Variants in B3GALT1 observed in about 807,000 individuals in gnomAD.
B3GALT1 encodes the protein UDP-Gal:betaGlcNAc beta 1,3-galactosyltransferase, polypeptide 1.
A neutral mutation model predicts 23.2 loss-of-function variants in B3GALT1; 10 were observed. The ratio of observed to expected loss-of-function variants is 0.43; its 90% CI spans 0.27 to 0.73. The LOEUF (loss-of-function observed/expected upper bound fraction) is 0.73. B3GALT1 is among the 30% of genes least tolerant of loss of function. B3GALT1 has a pLI of 0.21. For missense variants in B3GALT1, 299 were observed against 405.4 expected (o/e 0.74, Z 2.25); for synonymous variants, 156 against 141.5 (o/e 1.10, Z -0.73).
At chr2:167,339,401 G>C (rs905376319) in intron 1 of B3GALT1, among the ~76,000 whole-genome samples, 1 of 151,288 alleles carries the variant, frequency 6.6e-6, no homozygotes, top group Non-Finnish European at 1.5e-5. Flanking sequence ...TGGAGAGTGT[G>C]GGGGTGAGTG....
rs373302652 is a variant in B3GALT1 at position 167,634,334 on chromosome 2, A to G, written c.-409-12575A>G. 9.2e-5 allele frequency among the ~76,000 whole-genome samples: 14 copies of G among 152,278 alleles called. No individual in the cohort carries two copies. In the East Asian group the frequency reaches 2.1e-3, roughly 23 times the overall value. On this transcript the variant is annotated intron_variant, in intron 2 of 4. Transcript: ENST00000392690. ...CACATTCAAAAGCTAGCAGAAGGCA[A>G]GAAATAACTAAGATCAGACCAGAAC...
At chr2:167,368,607 G>A (rs746671226) in intron 1 of B3GALT1, among the ~76,000 whole-genome samples, 31 of 152,274 alleles carry the variant, frequency 2.0e-4, no homozygotes, top group South Asian at 4.1e-4. Flanking sequence ...GTAGTTTTGC[G>A]TAGGTCTGGT....
At chr2:167,651,465 T>C (rs1685865820) in intron 3 of B3GALT1, among the ~76,000 whole-genome samples, 1 of 152,164 alleles carries the variant, frequency 6.6e-6, no homozygotes, top group Non-Finnish European at 1.5e-5. Flanking sequence ...AGTCACTAAA[T>C]TATCTTTTAA....
rs911661828 is a variant in B3GALT1 at position 167,490,661 on chromosome 2, G to A, written c.-410+384G>A. ...ACAAGCAGAGATGACTGGCACTGCT[G>A]AGCAGCTCCAGGGCTGAAGCCTTGG... On this transcript the variant is annotated intron_variant, in intron 2 of 4. Transcript: ENST00000392690. Among the ~76,000 whole-genome samples, 45 of 152,304 alleles carry A rather than the reference G, an allele frequency of 3.0e-4. 2 individuals carry two copies. Among genetic ancestry groups the A allele is most frequent in the Admixed American group, 1.8e-3 (27 of 15,314 alleles).
chr2:167,296,532 G>A (rs549970216), intron 1 of B3GALT1, among the ~76,000 whole-genome samples: 3 of 152,122 alleles, frequency 2.0e-5, no homozygotes, highest in East Asian at 3.9e-4. Flanking sequence ...ATACTAGAAA[G>A]GTTCTCAGAA....
At chr2:167,311,531 A>C (rs1523878) in intron 1 of B3GALT1, among the ~76,000 whole-genome samples, 123,433 of 151,852 alleles carry the variant, frequency 0.81, 51,203 homozygotes, top group Non-Finnish European at 0.91. Context: ...TAGATGCACC[A>C]GGACTTAAAA....
At chr2:167,500,119 T>C (rs1699831451) in intron 2 of B3GALT1, among the ~76,000 whole-genome samples, 1 of 152,120 alleles carries the variant, frequency 6.6e-6, no homozygotes, top group Non-Finnish European at 1.5e-5. Context: ...AATGTCACAA[T>C]AGCCTCACAG....
intron 1 of B3GALT1, among the ~76,000 whole-genome samples, chr2:167,485,228 C>T (rs1300852349): frequency 1.3e-5 from 2 of 151,986 alleles, no homozygotes; most frequent in Admixed American, 6.5e-5. Context: ...AAATATAATG[C>T]TATTAATGTG....
chr2:167,322,976 C>G (rs1479687683), intron 1 of B3GALT1, among the ~76,000 whole-genome samples: 1 of 152,012 alleles, frequency 6.6e-6, no homozygotes, highest in Non-Finnish European at 1.5e-5. Context: ...TAGAATTTAT[C>G]ACTTTTGGCA....
At chr2:167,744,263 T>C (rs1389479168) in intron 3 of B3GALT1, among the ~76,000 whole-genome samples, 2 of 152,200 alleles carry the variant, frequency 1.3e-5, no homozygotes, top group South Asian at 2.1e-4. Context: ...CTTTCATATA[T>C]TCATCATTTT....
chr2:167,323,442 A>AAATAAATG (rs1696842894), intron 1 of B3GALT1, among the ~76,000 whole-genome samples: 1 of 151,866 alleles, frequency 6.6e-6, no homozygotes, highest in Admixed American at 6.6e-5. Context: ...ATTATTAAAT[A>AAATAAATG]AATGAATGAT....
At chr2:167,558,627 C>T (rs566800843) in intron 2 of B3GALT1, among the ~76,000 whole-genome samples, 83 of 152,312 alleles carry the variant, frequency 5.4e-4, no homozygotes, top group African/African-American at 2.0e-3. Flanking sequence ...TTCCGACGGG[C>T]TTAGGAAATG....
chr2:167,393,923 A>G (rs1036825288), intron 1 of B3GALT1, among the ~76,000 whole-genome samples: 1 of 152,194 alleles, frequency 6.6e-6, no homozygotes, highest in African/African-American at 2.4e-5. Flanking sequence ...ATAACAATTT[A>G]ATTTTTACAA....
rs1435290136 is a variant in B3GALT1 at position 167,692,923 on chromosome 2, A to G, written c.-352+45957A>G. Among the ~76,000 whole-genome samples the G allele has an allele frequency of 2.0e-5, 3 of 152,188 alleles. No homozygotes were observed. The Middle Eastern group carries it at 0.01, about 518-fold the overall frequency. Reference sequence around the variant, plus strand: ...TGGGCTCTTCTTTCAAGTTCCCCAGATATGCAATTCAGGCCAATTTCCAAC... The same window carrying G: ...TGGGCTCTTCTTTCAAGTTCCCCAGGTATGCAATTCAGGCCAATTTCCAAC... On this transcript the variant is annotated intron_variant, in intron 3 of 4. Coordinates refer to ENST00000392690, the MANE Select transcript of B3GALT1 (RefSeq NM_020981.4).
chr2:167,685,995 G>C (rs1200478776), intron 3 of B3GALT1, among the ~76,000 whole-genome samples: 1 of 152,152 alleles, frequency 6.6e-6, no homozygotes, highest in Non-Finnish European at 1.5e-5. Context: ...ACTAAAATAA[G>C]ATCAAGAGTT....
chr2:167,792,623 C>T (rs1210323204), intron 3 of B3GALT1, among the ~76,000 whole-genome samples: 1 of 152,058 alleles, frequency 6.6e-6, no homozygotes, highest in Non-Finnish European at 1.5e-5. Flanking sequence ...GGTAGAACAC[C>T]TTGTAAATAT....
At chr2:167,378,145 G>A (rs1299013512) in intron 1 of B3GALT1, among the ~76,000 whole-genome samples, 1 of 152,124 alleles carries the variant, frequency 6.6e-6, no homozygotes, top group Non-Finnish European at 1.5e-5. Context: ...GCTGAAAATA[G>A]GTCCTTGATC....
At chr2:167,375,082 T>C (rs1697742286) in intron 1 of B3GALT1, among the ~76,000 whole-genome samples, 1 of 152,192 alleles carries the variant, frequency 6.6e-6, no homozygotes, top group Non-Finnish European at 1.5e-5. Context: ...CTCCATTTAT[T>C]GAATAGAGAA....
intron 4 of B3GALT1, among the ~76,000 whole-genome samples, chr2:167,851,905 T>C (rs568819196): frequency 2.0e-4 from 30 of 152,170 alleles, no homozygotes; most frequent in Non-Finnish European, 4.0e-4. Flanking sequence ...TTGAAAACTT[T>C]CCAGTTGCTG....
Sources: gnomAD v4.1 joint callset for allele counts (sites outside exome capture counted in the v4.1 genomes callset) on GRCh38, gnomAD v4.1.1 for gene constraint, MANE v1.5 for transcripts, NCBI Gene and HGNC (gene_info 2026-07-23, HGNC 2026-07-21) for gene names.